The following PPM1L variants were observed in gnomAD, a reference collection of about 807,000 sequenced individuals.
The protein encoded by PPM1L is protein phosphatase, Mg2+/Mn2+ dependent 1L.
PPM1L carries 13 observed loss-of-function variants against 31.4 expected under a neutral mutation model. That is an observed-to-expected ratio of 0.41 (90% CI 0.27 to 0.66). The LOEUF is 0.66. Ranked by LOEUF, PPM1L falls within the 30% of genes least tolerant of loss-of-function variation. The probability of loss-of-function intolerance (pLI) is 0.29; values close to 1 mark genes in which losing one functional copy is unlikely to be tolerated. For synonymous variants in PPM1L, 184 were observed against 175.4 expected, an observed-to-expected ratio of 1.05 and a Z score of -0.39; for missense variants, 326 against 453.7, an observed-to-expected ratio of 0.72 and a Z score of 2.56.
intron 2 of PPM1L, among the ~76,000 whole-genome samples, chr3:161,041,569 T>A (rs575477079): frequency 6.6e-6 from 1 of 152,242 alleles, no homozygotes; most frequent in Non-Finnish European, 1.5e-5. Flanking sequence ...GCTAACACAG[T>A]GAAACCCCAT....
intron 1 of PPM1L, among the ~76,000 whole-genome samples, chr3:160,914,832 A>T (rs553976390): frequency 2.0e-5 from 3 of 152,182 alleles, no homozygotes; most frequent in South Asian, 4.2e-4. Context: ...GTCAAATGGT[A>T]TTTCTAGTTC....
intron 1 of PPM1L, among the ~76,000 whole-genome samples, chr3:160,890,939 T>C (rs1339157443): frequency 1.3e-5 from 2 of 152,194 alleles, no homozygotes; most frequent in Non-Finnish European, 2.9e-5. Flanking sequence ...AAACTGAAAC[T>C]GGACCCCTTC....
chr3:161,056,839 A>G (rs574236299), intron 2 of PPM1L, among the ~76,000 whole-genome samples: 1 of 152,186 alleles, frequency 6.6e-6, no homozygotes, highest in Non-Finnish European at 1.5e-5. Flanking sequence ...AGGTGGGTAG[A>G]TCACCTGTGG....
At chr3:160,883,678 G>A (rs945008094) in intron 1 of PPM1L, among the ~76,000 whole-genome samples, 4 of 151,950 alleles carry the variant, frequency 2.6e-5, no homozygotes, top group African/African-American at 4.8e-5. Context: ...CAGGACATGG[G>A]GCGAGGGAGA....
At chr3:160,766,055 C>T (rs28460514) in intron 1 of PPM1L, among the ~76,000 whole-genome samples, 2,509 of 152,142 alleles carry the variant, frequency 0.016, 63 homozygotes, top group African/African-American at 0.057. Flanking sequence ...AATAGGAATC[C>T]TCAAAGTCAA....
chr3:160,883,881 C>CA (rs36011243), intron 1 of PPM1L, among the ~76,000 whole-genome samples: 74,994 of 106,454 alleles, frequency 0.7, 26,073 homozygotes, highest in Non-Finnish European at 0.81. Context: ...CTTGTCTCTA[C>CA]AAAAAAAAAA....
intron 1 of PPM1L, among the ~76,000 whole-genome samples, chr3:160,795,829 C>T (rs926374310): frequency 6.6e-6 from 1 of 152,198 alleles, no homozygotes; most frequent in African/African-American, 2.4e-5. Flanking sequence ...AACTTACCCC[C>T]ACTTACCTCT....
chr3:160,797,682 A>G (rs7640348), intron 1 of PPM1L, among the ~76,000 whole-genome samples: 83,018 of 152,102 alleles, frequency 0.55, 26,091 homozygotes, highest in African/African-American at 0.87. Context: ...CCTTCTTGCC[A>G]ATACGGGAAA....
chr3:160,815,540 T>TA (rs1385311243), intron 1 of PPM1L, among the ~76,000 whole-genome samples: 1 of 152,142 alleles, frequency 6.6e-6, no homozygotes, highest in East Asian at 1.9e-4. Context: ...CATCCAGTGT[T>TA]AAAAAACTTT....
chr3:160,784,501 A>C (rs1322725100), intron 1 of PPM1L, among the ~76,000 whole-genome samples: 1 of 152,212 alleles, frequency 6.6e-6, no homozygotes, highest in African/African-American at 2.4e-5. Flanking sequence ...AATGGAAAGA[A>C]AAAAAGCCAC....
At chr3:160,905,550 A>G (rs1216066964) in intron 1 of PPM1L, among the ~76,000 whole-genome samples, 2 of 152,198 alleles carry the variant, frequency 1.3e-5, no homozygotes, top group Admixed American at 1.3e-4. Flanking sequence ...ATCTTTGTTT[A>G]ATACTTGTAA....
intron 2 of PPM1L, among the ~76,000 whole-genome samples, chr3:160,985,503 C>G (rs545067871): frequency 8.5e-5 from 13 of 152,302 alleles, no homozygotes; most frequent in African/African-American, 3.1e-4. Flanking sequence ...AAAGCCAGTA[C>G]TTAAAACATG....
chr3:160,968,083 A>G (rs761683318), intron 2 of PPM1L, among the ~76,000 whole-genome samples: 1 of 152,056 alleles, frequency 6.6e-6, no homozygotes, highest in Non-Finnish European at 1.5e-5. Flanking sequence ...CTTTCATAGC[A>G]TCTGCTCATG....
chr3:160,942,905 C>G (rs1251543332), intron 1 of PPM1L, among the ~76,000 whole-genome samples: 1 of 151,618 alleles, frequency 6.6e-6, no homozygotes, highest in East Asian at 1.9e-4. Context: ...GATATTTATT[C>G]AATATTCACA....
chr3:161,018,177 G>T (rs1418091599), intron 2 of PPM1L, among the ~76,000 whole-genome samples: 3 of 152,166 alleles, frequency 2.0e-5, no homozygotes, highest in Non-Finnish European at 2.9e-5. Context: ...ACCCCATTCT[G>T]TGCAGGGACT....
chr3:160,918,829 A>G (rs2108069330), intron 1 of PPM1L, among the ~76,000 whole-genome samples: 1 of 152,304 alleles, frequency 6.6e-6, no homozygotes, highest in South Asian at 2.1e-4. Flanking sequence ...AAAGAGAAAA[A>G]GCTCATTACT....
chr3:160,820,313 C>T (rs1713156796), intron 1 of PPM1L, among the ~76,000 whole-genome samples: 1 of 152,002 alleles, frequency 6.6e-6, no homozygotes, highest in Admixed American at 6.6e-5. Context: ...ACATGTAGTG[C>T]TACAAAGCTA....
chr3:160,822,198 CT>C (rs966651553), intron 1 of PPM1L, among the ~76,000 whole-genome samples: 4 of 151,624 alleles, frequency 2.6e-5, no homozygotes, highest in African/African-American at 9.7e-5. Context: ...TTCCTTTTAG[CT>C]TTTTTTTCTA....
intron 3 of PPM1L, among the ~76,000 whole-genome samples, chr3:161,067,587 C>T (rs1719778747): frequency 6.6e-6 from 1 of 152,248 alleles, no homozygotes; most frequent in African/African-American, 2.4e-5. Flanking sequence ...GCACTTTACA[C>T]ATACACTTTC....
Sources: allele counts gnomAD v4.1 joint callset (sites outside exome capture counted in the v4.1 genomes callset), GRCh38; gene constraint gnomAD v4.1.1; transcripts MANE v1.5; gene names NCBI Gene and HGNC (gene_info 2026-07-23, HGNC 2026-07-21).